CELF2: variants seen among roughly 807,000 people sequenced by gnomAD.
The protein encoded by CELF2 is CUG triplet repeat RNA-binding protein 2.
In CELF2, 8 loss-of-function variants were observed where a neutral mutation model predicts 62.6. The observed-to-expected ratio is 0.13, with a 90% CI of 0.07 to 0.23. The LOEUF (loss-of-function observed/expected upper bound fraction) is 0.23. Ranked by LOEUF, CELF2 falls within the 10% of genes least tolerant of loss-of-function variation. The probability of loss-of-function intolerance (pLI) is 1.00; values close to 1 mark genes in which losing one functional copy is unlikely to be tolerated. For missense variants in CELF2, 333 were observed against 671.0 expected (o/e 0.50, Z 5.56); for synonymous variants, 258 against 250.0 (o/e 1.03, Z -0.30).
chr10:10,519,769 CACCAT>C, the CELF2 span, among the ~76,000 whole-genome samples: 1 of 152,190 alleles, frequency 6.6e-6, no homozygotes, highest in Non-Finnish European at 1.5e-5. Context: ...TACCTGCGTT[CACCAT>C]TAAACCAGCA....
chr10:10,646,591 T>A, the CELF2 span, among the ~76,000 whole-genome samples: 2 of 152,206 alleles, frequency 1.3e-5, no homozygotes, highest in Admixed American at 6.5e-5. Flanking sequence ...ATGGATTACA[T>A]GTTTTGAAAA....
At chr10:11,002,562 G>A (rs1426169333), upstream of CELF2, among the ~76,000 whole-genome samples, 5 of 152,262 alleles carry the variant, frequency 3.3e-5, no homozygotes, top group South Asian at 2.1e-4. The surrounding 1 kb of genome is among the most constrained non-coding windows in gnomAD (Gnocchi z 4.4). Flanking sequence ...TAGAATGAGC[G>A]CCTAAGCTCC....
At position 11,296,240 on chromosome 10, in the gene CELF2, G is replaced by A. The variant is rs1285666093; in HGVS notation, c.976+7688G>A. ...ATTGACTCTAATTCTTCACGTATTTGCTTTTTGCTGTTGGTGGCGCTGGAC... is the reference window on the plus strand; with the variant it reads ...ATTGACTCTAATTCTTCACGTATTTACTTTTTGCTGTTGGTGGCGCTGGAC... On this transcript the variant is annotated intron_variant, in intron 9 of 12. Coordinates refer to ENST00000633077, the MANE Select transcript of CELF2 (RefSeq NM_001326342.2). The surrounding 1 kb of genome is among the most constrained non-coding windows in gnomAD (Gnocchi z 5.0). 6.6e-6 allele frequency among the ~76,000 whole-genome samples: 1 copy of A among 152,050 alleles called. No individual in the cohort carries two copies. The highest frequency in any genetic ancestry group is 1.5e-5 in the Non-Finnish European group (1 of 68,006).
chr10:10,605,791 C>T, the CELF2 span, among the ~76,000 whole-genome samples: 2 of 152,198 alleles, frequency 1.3e-5, no homozygotes, highest in Admixed American at 6.5e-5. Context: ...CATATATGCC[C>T]AGTGCCAGGC....
At chr10:11,240,307 T>C (rs976382135) in intron 3 of CELF2, among the ~76,000 whole-genome samples, 1 of 152,258 alleles carries the variant, frequency 6.6e-6, no homozygotes, top group Non-Finnish European at 1.5e-5. Context: ...CACCCAACAA[T>C]GAGTGGTCTT....
chr10:11,236,384 C>CA (rs2071301265), intron 3 of CELF2, among the ~76,000 whole-genome samples: 2 of 152,200 alleles, frequency 1.3e-5, no homozygotes, highest in South Asian at 4.1e-4. Context: ...ATAACATTAA[C>CA]AGAGCATTGA....
intron 2 of CELF2, among the ~76,000 whole-genome samples, chr10:11,171,808 T>G (rs553176745): frequency 6.6e-6 from 1 of 152,210 alleles, no homozygotes; most frequent in Non-Finnish European, 1.5e-5. Context: ...GCTGGCATGG[T>G]CTAAAGCGGG....
the CELF2 span, among the ~76,000 whole-genome samples, chr10:10,783,976 G>A: frequency 6.6e-6 from 1 of 151,648 alleles, no homozygotes; most frequent in Non-Finnish European, 1.5e-5. Context: ...GGCAGAGCAA[G>A]ACTCCTTCCC....
the CELF2 span, among the ~76,000 whole-genome samples, chr10:10,557,646 T>A: frequency 6.6e-6 from 1 of 152,104 alleles, no homozygotes. Flanking sequence ...TTTCACAATA[T>A]TGATTCTTCC....
the CELF2 span, among the ~76,000 whole-genome samples, chr10:10,471,725 G>A: frequency 1.3e-5 from 2 of 151,664 alleles, no homozygotes; most frequent in Non-Finnish European, 1.5e-5. Context: ...AAAATATGTT[G>A]ATATAGCCTG....
chr10:10,691,612 C>CAGTAA, the CELF2 span, among the ~76,000 whole-genome samples: 1 of 151,840 alleles, frequency 6.6e-6, no homozygotes, highest in Admixed American at 6.6e-5. Context: ...AATCAGTTTA[C>CAGTAA]AGTCCCACCA....
the CELF2 span, among the ~76,000 whole-genome samples, chr10:10,652,066 G>C: frequency 1.4e-5 from 2 of 146,216 alleles, no homozygotes; most frequent in Non-Finnish European, 3.0e-5. Flanking sequence ...CGAGAACTAC[G>C]TGAAGAATGC....
intron 2 of CELF2, among the ~76,000 whole-genome samples, chr10:11,196,907 C>G (rs560257929): frequency 6.8e-6 from 1 of 147,804 alleles, no homozygotes; most frequent in South Asian, 2.2e-4. Context: ...TGCAGTGAGC[C>G]GAGATCGCAC....
chr10:10,739,018 A>G, the CELF2 span, among the ~76,000 whole-genome samples: 2 of 152,146 alleles, frequency 1.3e-5, no homozygotes, highest in African/African-American at 4.8e-5. Context: ...TAAATCTACA[A>G]CTCTTCTAAA....
At chr10:10,961,771 A>G (rs1326539139) in intron 2 of CELF2, among the ~76,000 whole-genome samples, 1 of 151,768 alleles carries the variant, frequency 6.6e-6, no homozygotes, top group Non-Finnish European at 1.5e-5. Context: ...AAAAAAAAAA[A>G]GAAAAGAAAG....
Position 11,214,016 on chromosome 10 carries a change from G to C in CELF2, c.272-3409G>C, listed in dbSNP as rs1000078226. Reference sequence around the variant, plus strand: ...TGATGAGACTAGGCCGGGCACAGTAGCTCATGCCTATAGTCTAAGGGCTTT... The same window carrying C: ...TGATGAGACTAGGCCGGGCACAGTACCTCATGCCTATAGTCTAAGGGCTTT... On this transcript the variant is annotated intron_variant, in intron 2 of 12. Coordinates refer to ENST00000633077, the MANE Select transcript of CELF2 (RefSeq NM_001326342.2). The surrounding 1 kb of genome is among the most constrained non-coding windows in gnomAD (Gnocchi z 4.2). Among the ~76,000 whole-genome samples the C allele has an allele frequency of 6.6e-6, 1 of 152,180 alleles. No homozygotes were observed. Among genetic ancestry groups the C allele is most frequent in the Non-Finnish European group, 1.5e-5 (1 of 68,032 alleles).
At chr10:10,633,600 G>T in the CELF2 span, among the ~76,000 whole-genome samples, 1 of 151,844 alleles carries the variant, frequency 6.6e-6, no homozygotes, top group Non-Finnish European at 1.5e-5. Flanking sequence ...TCACTTTTTT[G>T]TCACATAGAA....
At chr10:10,830,497 C>T (rs1004367989) in intron 1 of CELF2, among the ~76,000 whole-genome samples, 1 of 152,048 alleles carries the variant, frequency 6.6e-6, no homozygotes, top group Non-Finnish European at 1.5e-5. Flanking sequence ...TTTGATTCGT[C>T]ATTTTGTGTT....
At chr10:11,236,389 C>T (rs1166932947) in intron 3 of CELF2, among the ~76,000 whole-genome samples, 1 of 152,198 alleles carries the variant, frequency 6.6e-6, no homozygotes, top group Non-Finnish European at 1.5e-5. Flanking sequence ...ATTAACAGAG[C>T]ATTGAAGCTG....
Sources: gnomAD v4.1 joint callset for allele counts (sites outside exome capture counted in the v4.1 genomes callset) on GRCh38, gnomAD v4.1.1 for gene constraint, Gnocchi (gnomAD v3.1) non-coding constraint, MANE v1.5 for transcripts, NCBI Gene and HGNC (gene_info 2026-07-23, HGNC 2026-07-21) for gene names.